CCDC171: variants seen among roughly 807,000 people sequenced by gnomAD.
CCDC171 encodes the protein coiled-coil domain-containing protein 171.
Under a neutral mutation model 168.2 loss-of-function variants are expected in CCDC171, and 177 were observed. That is an observed-to-expected ratio of 1.05 (90% CI 0.93 to 1.19). The LOEUF is 1.19. Among genes scored for constraint, CCDC171 ranks in the 50% most tolerant of loss-of-function variants. The pLI is 0.00. For missense variants in CCDC171, 1,991 were observed against 1,539.0 expected (o/e 1.29, Z -4.91); for synonymous variants, 687 against 540.8 (o/e 1.27, Z -3.75).
At position 15,695,328 on chromosome 9, in the gene CCDC171, T is replaced by G; in HGVS notation, c.1309T>G (p.Trp437Gly). Residue 437 changes from tryptophan (W) to glycine (G), a missense_variant, in exon 11 of 26, where the codon TGG (tryptophan) becomes GGG (glycine). Transcript: ENST00000380701. ...GGACAGCTTTACTGTGTCGGGCCAG[T>G]GGACATCAGGTTAGTTGAAGGTATA... ...ILDSFTVSGQ[W>G]TSGIHKDKDK... is the part of the protein sequence containing the mutation. The G allele has an allele frequency of 2.5e-6, 4 of 1,612,938 alleles. No homozygotes were observed. Among genetic ancestry groups the G allele is most frequent in the Non-Finnish European group, 3.4e-6 (4 of 1,178,882 alleles).
the CCDC171 span, among the ~76,000 whole-genome samples, chr9:16,096,916 G>T: frequency 6.6e-6 from 1 of 152,144 alleles, no homozygotes; most frequent in Non-Finnish European, 1.5e-5. Flanking sequence ...ACCTTGAATG[G>T]TACAATTAGC....
chr9:15,624,774 C>A (rs1016217850), intron 7 of CCDC171, among the ~76,000 whole-genome samples: 41 of 152,222 alleles, frequency 2.7e-4, no homozygotes, highest in Admixed American at 1.2e-3. Flanking sequence ...AGTAAACATA[C>A]GTGTGCATGT....
intron 19 of CCDC171, among the ~76,000 whole-genome samples, chr9:15,778,305 C>T (rs1443521986): frequency 1.0e-5 from 1 of 98,198 alleles, no homozygotes; most frequent in East Asian, 3.0e-4. Context: ...CAGAGCGAGA[C>T]TCCGTCTCAA....
chr9:15,659,840 A>G (rs915037102), intron 8 of CCDC171, among the ~76,000 whole-genome samples: 10 of 152,164 alleles, frequency 6.6e-5, no homozygotes, highest in African/African-American at 2.4e-4. Flanking sequence ...TTAGGTGTTT[A>G]TTATCTTTTC....
chr9:15,826,862 A>T (rs906398113), intron 21 of CCDC171, among the ~76,000 whole-genome samples: 9 of 152,198 alleles, frequency 5.9e-5, no homozygotes, highest in African/African-American at 2.2e-4. Context: ...TATGTTTTAG[A>T]TTAATTTGTC....
At chr9:15,657,246 T>G in intron 8 of CCDC171, 27 bp downstream of exon 8, 1 of 1,420,180 alleles carries the variant, frequency 7.0e-7, no homozygotes, top group Middle Eastern at 1.8e-4. Flanking sequence ...TATTTTGGCC[T>G]GCATTTTCTT....
chr9:15,564,016 G>T lies in CCDC171; in HGVS notation c.-73G>T, dbSNP rs2039524459. The T allele has an allele frequency of 8.3e-7, 1 of 1,209,436 alleles. No individual in the cohort carries two copies. Among genetic ancestry groups the T allele is most frequent in the Non-Finnish European group, 1.2e-6 (1 of 826,666 alleles). The allele number at this position is 1,209,436 out of a possible 1,614,324, so 74.9% of individuals were successfully genotyped here. A position where few individuals can be genotyped will look rare whatever the true frequency, so the allele number is the denominator to read the frequency against. On this transcript the variant is annotated 5_prime_UTR_variant, in exon 2 of 26. Transcript: ENST00000380701. ...TAACGTGAAGCCACAGACATCTTGGGCAATTTTAATCATCAAGAAAGAAAT... is the reference window on the plus strand; with the variant it reads ...TAACGTGAAGCCACAGACATCTTGGTCAATTTTAATCATCAAGAAAGAAAT...
At chr9:15,865,849 CGTGTGTGTGTGT>C (rs71325944) in intron 23 of CCDC171, among the ~76,000 whole-genome samples, 30 of 147,566 alleles carry the variant, frequency 2.0e-4, no homozygotes, top group Admixed American at 1.6e-3. Flanking sequence ...ACTCTGCGTG[CGTGTGTGTGTGT>C]GTGTGTGTGT....
At chr9:15,813,512 A>C (rs1563790282) in intron 21 of CCDC171, among the ~76,000 whole-genome samples, 1 of 152,162 alleles carries the variant, frequency 6.6e-6, no homozygotes. Context: ...TTTGACCACA[A>C]CCAACAGTTT....
chr9:15,742,923 C>T (rs1216597982), intron 16 of CCDC171, among the ~76,000 whole-genome samples: 1 of 151,944 alleles, frequency 6.6e-6, no homozygotes, highest in Non-Finnish European at 1.5e-5. Context: ...TATACACATA[C>T]CACCCTACTT....
chr9:15,915,961 C>G (rs1281100954), intron 24 of CCDC171, among the ~76,000 whole-genome samples: 1 of 152,098 alleles, frequency 6.6e-6, no homozygotes, highest in Non-Finnish European at 1.5e-5. Context: ...TGCAGTAAAT[C>G]TCACCTGGTT....
intron 4 of CCDC171, among the ~76,000 whole-genome samples, chr9:15,582,251 T>C (rs929191845): frequency 2.0e-5 from 3 of 152,198 alleles, no homozygotes; most frequent in Non-Finnish European, 2.9e-5. Flanking sequence ...CCAGTTAGAA[T>C]GGGGTTCATT....
At chr9:16,073,209 G>A in the CCDC171 span, among the ~76,000 whole-genome samples, 1 of 152,196 alleles carries the variant, frequency 6.6e-6, no homozygotes, top group Admixed American at 6.5e-5. Flanking sequence ...CAAGGTTGCT[G>A]CCTCCTCCCC....
chr9:15,665,795 C>T (rs1440450193), intron 8 of CCDC171, among the ~76,000 whole-genome samples: 1 of 152,046 alleles, frequency 6.6e-6, no homozygotes, highest in Non-Finnish European at 1.5e-5. Context: ...AAAACCCAAA[C>T]ATTTAATTTA....
chr9:15,737,906 A>G (rs1452559285), intron 16 of CCDC171, among the ~76,000 whole-genome samples: 2 of 152,200 alleles, frequency 1.3e-5, no homozygotes, highest in Admixed American at 1.3e-4. Context: ...CAATCCCATT[A>G]GCAATGTCTG....
intron 23 of CCDC171, among the ~76,000 whole-genome samples, chr9:15,857,211 G>C (rs1563880782): frequency 6.6e-6 from 1 of 151,624 alleles, no homozygotes; most frequent in Non-Finnish European, 1.5e-5. Context: ...TTTTTTGCTA[G>C]GCAGAAGCTT....
intron 24 of CCDC171, among the ~76,000 whole-genome samples, chr9:15,880,109 C>G (rs1818420167): frequency 6.6e-6 from 1 of 152,148 alleles, no homozygotes; most frequent in African/African-American, 2.4e-5. Flanking sequence ...CTAAGAGATT[C>G]TCCTTGGTGA....
At chr9:15,728,182 A>G (rs545897557) in intron 15 of CCDC171, 146 bp downstream of exon 15, 485 of 657,730 alleles carry the variant, frequency 7.4e-4, no homozygotes, top group Non-Finnish European at 1.1e-3. Flanking sequence ...TGGCTTGTCT[A>G]CAACTCAGTT....
At chr9:15,682,179 C>G (rs2050084543) in intron 10 of CCDC171, among the ~76,000 whole-genome samples, 1 of 151,984 alleles carries the variant, frequency 6.6e-6, no homozygotes, top group Non-Finnish European at 1.5e-5. Context: ...AAGACTTGAG[C>G]AAATTTTGAG....
Sources: allele counts gnomAD v4.1 joint callset (sites outside exome capture counted in the v4.1 genomes callset), GRCh38; gene constraint gnomAD v4.1.1; transcripts MANE v1.5; gene names NCBI Gene and HGNC (gene_info 2026-07-23, HGNC 2026-07-21).